ACLY: variants seen among roughly 807,000 people sequenced by gnomAD.
The protein encoded by ACLY is ATP citrate lyase, also known as ATP-citrate synthase.
ACLY carries 41 observed loss-of-function variants against 133.0 expected under a neutral mutation model. That is an observed-to-expected ratio of 0.31 (90% CI 0.24 to 0.40). The LOEUF (loss-of-function observed/expected upper bound fraction) is 0.40, where lower values mean the gene tolerates loss of function less well. Ranked by LOEUF, ACLY falls within the 10% of genes least tolerant of loss-of-function variation. The probability of loss-of-function intolerance (pLI) is 1.00; values close to 1 mark genes in which losing one functional copy is unlikely to be tolerated. For missense variants in ACLY, 1,046 were observed against 1,453.8 expected, an observed-to-expected ratio of 0.72 and a Z score of 4.56; for synonymous variants, 495 against 549.3, an observed-to-expected ratio of 0.90 and a Z score of 1.38.
intron 1 of ACLY, among the ~76,000 whole-genome samples, chr17:41,924,628 T>C (rs563781026): frequency 9.2e-5 from 14 of 152,178 alleles, no homozygotes; most frequent in Admixed American, 2.6e-4. Flanking sequence ...AAACCTTCCA[T>C]CAGAGCTAAG....
chr17:41,890,986 T>C lies in ACLY; in HGVS notation c.1770+1293A>G, dbSNP rs1190967627. Among the ~76,000 whole-genome samples the C allele has an allele frequency of 2.0e-5, 3 of 151,198 alleles. No homozygotes were observed. The East Asian group carries it at 5.8e-4, about 29-fold the overall frequency. ...CCCTGTCTCAAAAAAAAAAAATAAA[T>C]AAATACAAACATACATAAAATAAAG... On this transcript the variant is annotated intron_variant, in intron 16 of 28. Coordinates refer to ENST00000352035, the MANE Select transcript of ACLY (RefSeq NM_001096.3).
intron 25 of ACLY, among the ~76,000 whole-genome samples, chr17:41,870,872 T>C (rs983162825): frequency 2.6e-5 from 4 of 152,200 alleles, no homozygotes; most frequent in Non-Finnish European, 5.9e-5. Flanking sequence ...GCCATTGCTG[T>C]TATCCTGCTG....
Position 41,901,921 on chromosome 17 carries a change from A to G in ACLY, c.1066-108T>C, listed in dbSNP as rs1598022296. 10 of 823,046 alleles carry G rather than the reference A, an allele frequency of 1.2e-5. No individual in the cohort carries two copies. In the East Asian group the frequency reaches 2.4e-4, roughly 20 times the overall value. The allele number at this position is 823,046 out of a possible 1,614,324, so 51.0% of individuals were successfully genotyped here. A position where few individuals can be genotyped will look rare whatever the true frequency, so the allele number is the denominator to read the frequency against. On this transcript the variant is annotated intron_variant, in intron 10 of 28. Transcript: ENST00000352035. ...GTATATGTGACAAGTGCTGCTCCTC[A>G]GGAAGCACAGGACTACGCATAAGCA...
upstream of ACLY, among the ~76,000 whole-genome samples, chr17:41,920,638 G>C (rs1555635311): frequency 6.7e-6 from 1 of 149,052 alleles, no homozygotes; most frequent in Non-Finnish European, 1.5e-5. Context: ...AAGGCATGCT[G>C]TCTCATGCCT....
intron 3 of ACLY, among the ~76,000 whole-genome samples, chr17:41,911,526 A>G (rs1173226992): frequency 6.6e-6 from 1 of 152,250 alleles, no homozygotes; most frequent in East Asian, 1.9e-4. Context: ...GGAGAAGTTA[A>G]TAATTGAATT....
chr17:41,918,396 G>C (rs1555634855), intron 1 of ACLY, among the ~76,000 whole-genome samples: 1 of 152,244 alleles, frequency 6.6e-6, no homozygotes, highest in Non-Finnish European at 1.5e-5. Flanking sequence ...GCTCAATTTT[G>C]TACCCACGGA....
rs1555628088 is a variant in ACLY at position 41,886,138 on chromosome 17, A to G, written c.2046T>C (p.Tyr682=). 8 of 1,613,898 alleles carry G rather than the reference A, an allele frequency of 5.0e-6. No homozygotes were observed. Among genetic ancestry groups the G allele is most frequent in the Non-Finnish European group, 6.8e-6 (8 of 1,179,958 alleles). The part of the protein sequence containing the change: ...NIISRTTDGV[Y]EGVAIGGDRY... Reference sequence around the variant, plus strand: ...TGTCCCCACCAATGGCCACGCCCTCATAGACGCCATCCGTGGTCCGAGAGA... The same window carrying G: ...TGTCCCCACCAATGGCCACGCCCTCGTAGACGCCATCCGTGGTCCGAGAGA... The change falls in exon 18 of 29, where the codon TAT becomes TAC. Residue 682 remains tyrosine (Y), a synonymous_variant. Coordinates refer to ENST00000352035, the MANE Select transcript of ACLY (RefSeq NM_001096.3).
At chr17:41,882,339 C>T (rs2048936182) in intron 20 of ACLY, among the ~76,000 whole-genome samples, 2 of 117,970 alleles carry the variant, frequency 1.7e-5, no homozygotes, top group Admixed American at 2.6e-4. Flanking sequence ...TGCACTCCAG[C>T]CTGGGCGACA....
At chr17:41,879,786 T>A (rs2048867867) in intron 20 of ACLY, among the ~76,000 whole-genome samples, 1 of 150,062 alleles carries the variant, frequency 6.7e-6, no homozygotes, top group Non-Finnish European at 1.5e-5. Context: ...TGGTGCTATC[T>A]TGGCTCACTG....
At chr17:41,868,630 CT>C in intron 28 of ACLY, 78 bp downstream of exon 28, 1 of 825,564 alleles carries the variant, frequency 1.2e-6, no homozygotes, top group Non-Finnish European at 1.8e-6. Flanking sequence ...GAAAAAGAAA[CT>C]CAACCCCATG....
chr17:41,897,273 C>CG (rs1567902085), intron 13 of ACLY, among the ~76,000 whole-genome samples: 4 of 152,114 alleles, frequency 2.6e-5, no homozygotes, highest in African/African-American at 9.6e-5. Context: ...GGCTGACAGG[C>CG]GGGGGCTTTT....
chr17:41,867,765 A>T lies in ACLY; in HGVS notation c.*45T>A. ...CTGTCTGTACACTTTTTCTTGGGGG[A>T]AGAGATCTTGTCTTCAGTTTACTGC... On this transcript the variant is annotated 3_prime_UTR_variant, in exon 29 of 29. Coordinates refer to ENST00000352035, the MANE Select transcript of ACLY (RefSeq NM_001096.3). 2 of 1,485,252 alleles carry T rather than the reference A, an allele frequency of 1.3e-6. No individual in the cohort carries two copies. Among genetic ancestry groups the T allele is most frequent in the Admixed American group, 1.9e-5 (1 of 53,870 alleles). The allele number at this position is 1,485,252 out of a possible 1,614,324, so 92.0% of individuals were successfully genotyped here.
At chr17:41,883,567 A>G (rs2144265658) in intron 19 of ACLY, among the ~76,000 whole-genome samples, 1 of 146,166 alleles carries the variant, frequency 6.8e-6, no homozygotes, top group East Asian at 2.0e-4. Flanking sequence ...TTTTTTAAAA[A>G]GCGCTTTTTT....
At chr17:41,916,214 G>C (rs1362169728) in intron 1 of ACLY, among the ~76,000 whole-genome samples, 1 of 152,110 alleles carries the variant, frequency 6.6e-6, no homozygotes, top group African/African-American at 2.4e-5. Context: ...CTTAGAGACG[G>C]GAGGTTGAGA....
intron 20 of ACLY, among the ~76,000 whole-genome samples, chr17:41,881,305 C>A (rs1043901328): frequency 2.6e-5 from 4 of 151,424 alleles, no homozygotes; most frequent in Non-Finnish European, 5.9e-5. Context: ...TGGCTGTTAT[C>A]CCAGCTACTT....
rs141255682 is a variant in ACLY at position 41,893,151 on chromosome 17, G to A, written c.1483C>T (p.Arg495Cys). The change falls in exon 15 of 29, where the codon CGC (arginine) becomes TGC (cysteine). Residue 495 changes from arginine (R) to cysteine (C), a missense_variant. Physicochemically the swap from Arg to Cys is radical, Grantham distance 180. Coordinates refer to ENST00000352035, the MANE Select transcript of ACLY (RefSeq NM_001096.3). ...CCCCACACAATGGCCTTGGTGTGGC[G>A]GCTGAAGAGGGTGGTGCTCTTTCCT... ...LQGKSTTLFS[R>C]HTKAIVWGMQ... is the part of the protein sequence containing the mutation. The A allele has an allele frequency of 3.6e-4, 579 of 1,613,602 alleles. No homozygotes were observed. The highest frequency in any genetic ancestry group is 4.4e-4 in the Non-Finnish European group (522 of 1,179,722).
At chr17:41,927,373 TGGAGTGCAGTGGCC>T (rs1555636095) in intron 1 of ACLY, among the ~76,000 whole-genome samples, 9 of 152,204 alleles carry the variant, frequency 5.9e-5, no homozygotes, top group African/African-American at 2.2e-4. Flanking sequence ...TTGCTCAGGC[TGGAGTGCAGTGGCC>T]TGATCATAGC....
rs1555625099 is a variant in ACLY, at chr17:41,871,815, A to G, written c.2811T>C (p.Gly937=). The G allele has an allele frequency of 6.2e-7, 1 of 1,613,826 alleles. No homozygotes were observed. ...GLLTIGDRFG[G]ALDAAAKMFS... ...ACATCTTGGCTGCTGCATCCAAGGCACCCCCAAACCGATCCCCCTGGAGGA... is the reference window on the plus strand; with the variant it reads ...ACATCTTGGCTGCTGCATCCAAGGCGCCCCCAAACCGATCCCCCTGGAGGA... Residue 937 remains glycine (G), a synonymous_variant, in exon 25 of 29, where the codon GGT becomes GGC. Coordinates refer to ENST00000352035, the MANE Select transcript of ACLY (RefSeq NM_001096.3).
intron 1 of ACLY, among the ~76,000 whole-genome samples, chr17:41,930,125 G>A (rs1394975454): frequency 1.3e-5 from 2 of 152,214 alleles, no homozygotes; most frequent in Non-Finnish European, 2.9e-5. Flanking sequence ...GTTAAATTAT[G>A]TTGAACCCAA....
Sources: allele counts gnomAD v4.1 joint callset (sites outside exome capture counted in the v4.1 genomes callset), GRCh38; gene constraint gnomAD v4.1.1; transcripts MANE v1.5; gene names NCBI Gene and HGNC (gene_info 2026-07-23, HGNC 2026-07-21).